PPP5C: variants seen among roughly 807,000 people sequenced by gnomAD.
The protein encoded by PPP5C is serine/threonine-protein phosphatase 5.
Under a neutral mutation model 66.7 loss-of-function variants are expected in PPP5C, and 21 were observed. That is an observed-to-expected ratio of 0.31 (90% CI 0.22 to 0.45). PPP5C has a LOEUF of 0.45. PPP5C is among the 20% of genes least tolerant of loss of function. The pLI is 1.00. For synonymous variants in PPP5C, 246 were observed against 257.4 expected (o/e 0.96, Z 0.43); for missense variants, 464 against 675.9 (o/e 0.69, Z 3.48).
intron 4 of PPP5C, among the ~76,000 whole-genome samples, chr19:46,378,414 A>C (rs1024573076): frequency 1.3e-5 from 2 of 152,208 alleles, no homozygotes. Context: ...TATGTACTGG[A>C]AAATAGTGTG....
chr19:46,349,732 G>T (rs537254599), intron 1 of PPP5C, among the ~76,000 whole-genome samples: 116 of 152,222 alleles, frequency 7.6e-4, no homozygotes, highest in African/African-American at 2.6e-3. Flanking sequence ...CTAGATTAGT[G>T]GACAGGTGAG....
intron 3 of PPP5C, 111 bp downstream of exon 3, chr19:46,375,862 G>A (rs1290419469): frequency 1.4e-6 from 2 of 1,451,664 alleles, no homozygotes; most frequent in South Asian, 1.4e-5. Context: ...TCTGTCCCCA[G>A]GCTGGTGTCT....
chr19:46,390,025 T>C lies in PPP5C; in HGVS notation c.1356-26T>C, dbSNP rs773298329. On this transcript the variant is annotated intron_variant, in intron 11 of 12. Coordinates refer to ENST00000012443, the MANE Select transcript of PPP5C (RefSeq NM_006247.4). ...CAGCCCCACCCAGCCCTGACCACAC[T>C]GTCCACTCTGCTCCTGTCCCTGCAG... 10 of 1,609,646 alleles carry C rather than the reference T, an allele frequency of 6.2e-6. No homozygotes were observed. In the African/African-American group the frequency reaches 1.3e-4, roughly 22 times the overall value.
At chr19:46,355,959 G>C (rs773912868) in intron 2 of PPP5C, among the ~76,000 whole-genome samples, 1 of 152,016 alleles carries the variant, frequency 6.6e-6, no homozygotes, top group Non-Finnish European at 1.5e-5. Flanking sequence ...CAGGGTCTTC[G>C]TCAAGTGTGG....
At chr19:46,359,496 A>G (rs1972344369) in intron 2 of PPP5C, among the ~76,000 whole-genome samples, 1 of 152,326 alleles carries the variant, frequency 6.6e-6, no homozygotes, top group South Asian at 2.1e-4. Flanking sequence ...TACTGTAGCC[A>G]AGATAGAATT....
At chr19:46,378,368 G>T (rs958639677) in intron 4 of PPP5C, among the ~76,000 whole-genome samples, 3 of 152,156 alleles carry the variant, frequency 2.0e-5, no homozygotes, top group Non-Finnish European at 4.4e-5. Context: ...TGATTCCATT[G>T]GGGCTATTTT....
At chr19:46,352,380 C>T (rs1972202700) in intron 1 of PPP5C, among the ~76,000 whole-genome samples, 2 of 152,162 alleles carry the variant, frequency 1.3e-5, no homozygotes, top group Non-Finnish European at 2.9e-5. Context: ...CCCAGGGATA[C>T]CCAGGTAGTA....
intron 2 of PPP5C, among the ~76,000 whole-genome samples, chr19:46,375,209 G>A (rs1002198819): frequency 5.3e-5 from 8 of 152,238 alleles, no homozygotes; most frequent in Admixed American, 2.6e-4. Flanking sequence ...TTCTGTGACC[G>A]TAGACCCAGC....
chr19:46,384,700 C>A, intron 6 of PPP5C, 104 bp from the exon 7 acceptor site: 2 of 842,598 alleles, frequency 2.4e-6, no homozygotes, highest in Non-Finnish European at 2.0e-6. Context: ...AGGCTTGAGG[C>A]CAGGCAGGAG....
chr19:46,351,662 T>C (rs1972187366), intron 1 of PPP5C, among the ~76,000 whole-genome samples: 1 of 152,216 alleles, frequency 6.6e-6, no homozygotes, highest in Non-Finnish European at 1.5e-5. Flanking sequence ...CCAGGAGGCC[T>C]GAAGGAGTCC....
At chr19:46,347,316 G>A in intron 1 of PPP5C, 99 bp downstream of exon 1, 6 of 1,454,708 alleles carry the variant, frequency 4.1e-6, no homozygotes, top group Non-Finnish European at 5.5e-6. Context: ...CTGGGCGCGG[G>A]GCAGACACTA....
At chr19:46,362,815 TCTCA>T (rs915680783) in intron 2 of PPP5C, among the ~76,000 whole-genome samples, 1 of 151,430 alleles carries the variant, frequency 6.6e-6, no homozygotes, top group African/African-American at 2.4e-5. Context: ...TGAGATGGGG[TCTCA>T]CTCTGTCGCC....
Position 46,390,674 on chromosome 19 carries a change from C to A in PPP5C, c.*328C>A. 8.1e-7 allele frequency: 1 copy of A among 1,237,832 alleles called. No homozygotes were observed. 76.7% of individuals were successfully genotyped at this position (1,237,832 alleles called of 1,614,324 possible). A position where few individuals can be genotyped will look rare whatever the true frequency, so the allele number is the denominator to read the frequency against. On this transcript the variant is annotated 3_prime_UTR_variant, in exon 13 of 13. Coordinates refer to ENST00000012443, the MANE Select transcript of PPP5C (RefSeq NM_006247.4). ...CCCCTCATTTGCATGGCTCCTCCCC[C>A]ACTCAAGCAATAGGGCCCCGCCATA... is the stretch of plus-strand genomic sequence containing the variant.
At chr19:46,387,793 A>G in intron 9 of PPP5C, 1 of 1,177,082 alleles carries the variant, frequency 8.5e-7, no homozygotes. Flanking sequence ...GTTCACCCAC[A>G]GGTGCACACG....
At chr19:46,377,332 G>A (rs1055018955) in intron 4 of PPP5C, among the ~76,000 whole-genome samples, 21 of 152,184 alleles carry the variant, frequency 1.4e-4, no homozygotes, top group African/African-American at 4.8e-4. Context: ...CCTCTGTGCA[G>A]TGGAGATAAT....
chr19:46,383,661 T>G lies in PPP5C; in HGVS notation c.700-119T>G, dbSNP rs1972833430. On this transcript the variant is annotated intron_variant, in intron 5 of 12. Coordinates refer to ENST00000012443, the MANE Select transcript of PPP5C (RefSeq NM_006247.4). This position sits in a 1 kb window ranked among gnomAD's most constrained non-coding sequence, Gnocchi z 5.0. ...TTGGTCTTCGTTTGTGTTCCCTGCT[T>G]GTGTCTCTTGCATGATTCTTCTTGG... The G allele has an allele frequency of 1.9e-6, 2 of 1,035,774 alleles. No individual in the cohort carries two copies. The highest frequency in any genetic ancestry group is 2.9e-6 in the Non-Finnish European group (2 of 692,310). The allele number at this position is 1,035,774 out of a possible 1,614,324, so 64.2% of individuals were successfully genotyped here. A position where few individuals can be genotyped will look rare whatever the true frequency, so the allele number is the denominator to read the frequency against.
At chr19:46,389,566 G>T (rs1972973284) in intron 11 of PPP5C, among the ~76,000 whole-genome samples, 1 of 151,698 alleles carries the variant, frequency 6.6e-6, no homozygotes, top group Non-Finnish European at 1.5e-5. Flanking sequence ...CCTAAACAAG[G>T]ACCACATTTT....
At chr19:46,366,565 C>G (rs551228199) in intron 2 of PPP5C, among the ~76,000 whole-genome samples, 1 of 152,038 alleles carries the variant, frequency 6.6e-6, no homozygotes, top group Non-Finnish European at 1.5e-5. Context: ...AGGCTGATCT[C>G]GAACTCCTGG....
chr19:46,365,806 C>A (rs2147377017), intron 2 of PPP5C, among the ~76,000 whole-genome samples: 1 of 152,308 alleles, frequency 6.6e-6, no homozygotes, highest in East Asian at 1.9e-4. Context: ...CCTCATGCAG[C>A]TTAGTCAGAA....
Sources: allele counts gnomAD v4.1 joint callset (sites outside exome capture counted in the v4.1 genomes callset), GRCh38; gene constraint gnomAD v4.1.1; non-coding constraint Gnocchi (gnomAD v3.1); transcripts MANE v1.5; gene names NCBI Gene and HGNC (gene_info 2026-07-23, HGNC 2026-07-21).